FGFR2: variants seen among roughly 807,000 people sequenced by gnomAD.
FGFR2 encodes the protein BEK fibroblast growth factor receptor.
In FGFR2, 19 loss-of-function variants were observed where a neutral mutation model predicts 95.9. The ratio of observed to expected loss-of-function variants is 0.20; its 90% CI spans 0.14 to 0.29. The LOEUF (loss-of-function observed/expected upper bound fraction) is 0.29, where lower values mean the gene tolerates loss of function less well. FGFR2 is among the 10% of genes least tolerant of loss of function. The pLI is 1.00. For missense variants in FGFR2, 707 were observed against 1,056.9 expected (o/e 0.67, Z 4.59); for synonymous variants, 392 against 393.3 (o/e 1.00, Z 0.04).
intron 6 of FGFR2, among the ~76,000 whole-genome samples, chr10:121,522,309 G>C (rs1850675489): frequency 6.6e-6 from 1 of 152,230 alleles, no homozygotes; most frequent in Non-Finnish European, 1.5e-5. Context: ...CATAATCCCA[G>C]AACTTTGAAG....
intron 2 of FGFR2, among the ~76,000 whole-genome samples, chr10:121,592,782 C>A (rs556846182): frequency 1.2e-3 from 182 of 152,308 alleles, no homozygotes; most frequent in African/African-American, 4.2e-3. Flanking sequence ...TAAAGCCAGG[C>A]AGGCACCAGG....
chr10:121,480,131 A>T (rs772191546), intron 17 of FGFR2, 110 bp from the exon 18 acceptor site: 4 of 1,168,140 alleles, frequency 3.4e-6, no homozygotes, highest in Admixed American at 3.4e-5. Context: ...AAGGGAAGAG[A>T]AGAGTTTTAT....
chr10:121,498,212 C>A (rs1032378750), intron 12 of FGFR2, among the ~76,000 whole-genome samples: 1 of 152,158 alleles, frequency 6.6e-6, no homozygotes, highest in East Asian at 1.9e-4. Flanking sequence ...AGGAGGCTGC[C>A]TTTTCCAAAA....
chr10:121,487,799 T>G (rs191801299), intron 14 of FGFR2, among the ~76,000 whole-genome samples, 192 bp downstream of exon 14: 2 of 152,354 alleles, frequency 1.3e-5, no homozygotes, highest in Non-Finnish European at 2.9e-5. Context: ...TCACATTTAC[T>G]AAAATTGACA....
chr10:121,507,079 T>C (rs930919167), intron 9 of FGFR2, among the ~76,000 whole-genome samples: 2 of 152,192 alleles, frequency 1.3e-5, no homozygotes, highest in African/African-American at 2.4e-5. Context: ...CATCCTTCGA[T>C]GTGGGCAACA....
intron 7 of FGFR2, 93 bp downstream of exon 7, chr10:121,519,885 CT>C: frequency 8.4e-7 from 1 of 1,187,810 alleles, no homozygotes; most frequent in Non-Finnish European, 1.3e-6. Flanking sequence ...GAGAATCATC[CT>C]CTCTCAACTC....
At position 121,583,759 on chromosome 10, in the gene FGFR2, CA is replaced by C. The variant is rs575928981; in HGVS notation, c.109+9949del. On this transcript the variant is annotated intron_variant, in intron 2 of 17. Coordinates refer to ENST00000358487, the MANE Select transcript of FGFR2 (RefSeq NM_000141.5). ...AATGAGGGGTCACCACATTCTCCAG[CA>C]AAAAAAAAAAATCCTCCTGCTCAGG... 9.8e-3 allele frequency among the ~76,000 whole-genome samples: 1,439 copies of C among 146,480 alleles called. 23 individuals are homozygous for C. The highest frequency in any genetic ancestry group is 0.061 in the East Asian group (306 of 5,014).
intron 1 of FGFR2, among the ~76,000 whole-genome samples, chr10:121,594,753 G>A (rs1863185576): frequency 6.6e-6 from 1 of 152,202 alleles, no homozygotes; most frequent in African/African-American, 2.4e-5. Flanking sequence ...CTCTGTAGAA[G>A]GGTGAGGAAA....
At chr10:121,594,768 G>A (rs1863187388) in intron 1 of FGFR2, among the ~76,000 whole-genome samples, 1 of 152,216 alleles carries the variant, frequency 6.6e-6, no homozygotes, top group African/African-American at 2.4e-5. Context: ...AGGAAACTGA[G>A]CAGATGCAAA....
intron 5 of FGFR2, among the ~76,000 whole-genome samples, chr10:121,539,357 G>T (rs1853349302): frequency 1.3e-5 from 2 of 152,162 alleles, no homozygotes; most frequent in South Asian, 4.1e-4. Flanking sequence ...TGGCGGCAAT[G>T]AATCCTTACA....
intron 15 of FGFR2, among the ~76,000 whole-genome samples, chr10:121,486,949 T>G (rs1042068346): frequency 8.5e-5 from 13 of 152,150 alleles, no homozygotes; most frequent in Non-Finnish European, 1.3e-4. Context: ...TCAGCTCCAC[T>G]CTTTAAGGAC....
chr10:121,502,168 T>G (rs929635982), intron 10 of FGFR2, among the ~76,000 whole-genome samples: 3 of 152,230 alleles, frequency 2.0e-5, no homozygotes, highest in Non-Finnish European at 4.4e-5. Flanking sequence ...TCTTAAAATA[T>G]GATCACAACT....
intron 3 of FGFR2, 112 bp downstream of exon 3, chr10:121,565,326 G>A: frequency 7.3e-7 from 1 of 1,364,290 alleles, no homozygotes; most frequent in Non-Finnish European, 1.0e-6. Context: ...AAACTATGAA[G>A]CTGTATGCCT....
At position 121,565,470 on chromosome 10, in the gene FGFR2, C is replaced by T. The variant is rs867109770; in HGVS notation, c.344G>A (p.Ser115Asn). The T allele has an allele frequency of 5.0e-6, 8 of 1,614,098 alleles. No homozygotes were observed. The African/African-American group carries it at 6.7e-5, about 13-fold the overall frequency. ...ATTCACCATGAAGTACCAAGTTTCA[C>T]TGTCTACAGTCCTACTGGCAGTACA... Reference protein sequence around the residue: ...YACTASRTVDSETWYFMVNVT... With the variant: ...YACTASRTVDNETWYFMVNVT... Residue 115 changes from serine to asparagine, a missense_variant, in exon 3 of 18, where the codon AGT (serine) becomes AAT (asparagine). Around this residue, in one of 7 missense-constraint regions of FGFR2, gnomAD observed 178 missense variants for 194.1 expected, o/e 0.92. Coordinates refer to ENST00000358487, the MANE Select transcript of FGFR2 (RefSeq NM_000141.5).
intron 1 of FGFR2, among the ~76,000 whole-genome samples, chr10:121,595,144 C>T (rs984378795): frequency 6.6e-6 from 1 of 152,196 alleles, no homozygotes. Flanking sequence ...TTTTCTAAGA[C>T]TGGGGGTGGC....
At chr10:121,577,178 TAGAGAGAGAG>T (rs1169688456) in intron 2 of FGFR2, among the ~76,000 whole-genome samples, 1 of 5,214 alleles carries the variant, frequency 1.9e-4, no homozygotes, top group Non-Finnish European at 3.3e-4. Context: ...TATATATATA[TAGAGAGAGAG>T]AGAGAGAGAG....
chr10:121,562,046 T>C (rs1857059173), intron 4 of FGFR2, among the ~76,000 whole-genome samples: 1 of 152,204 alleles, frequency 6.6e-6, no homozygotes, highest in Admixed American at 6.5e-5. Flanking sequence ...CATCGAATGA[T>C]GTGGAGCAAC....
intron 2 of FGFR2, among the ~76,000 whole-genome samples, chr10:121,577,187 A>AGAGAGAGAGAGG (rs1860014089): frequency 4.2e-5 from 5 of 118,062 alleles, no homozygotes; most frequent in African/African-American, 1.7e-4. Flanking sequence ...ATAGAGAGAG[A>AGAGAGAGAGAGG]GAGAGAGAGA....
chr10:121,560,615 CAAAAAAAAA>C (rs34753296), intron 4 of FGFR2, among the ~76,000 whole-genome samples: 21 of 51,816 alleles, frequency 4.1e-4, no homozygotes, highest in East Asian at 2.6e-3. Flanking sequence ...ACTCCGTCCC[CAAAAAAAAA>C]AAAAAAAAAA....
Sources: allele counts gnomAD v4.1 joint callset (sites outside exome capture counted in the v4.1 genomes callset), GRCh38; gene constraint gnomAD v4.1.1; regional missense constraint gnomAD v4.1.1; transcripts MANE v1.5; gene names NCBI Gene and HGNC (gene_info 2026-07-23, HGNC 2026-07-21).